The following THRAP3 variants were observed in gnomAD, a reference collection of about 807,000 sequenced individuals.
The protein encoded by THRAP3 is thyroid hormone receptor-associated protein 3.
In THRAP3, 16 loss-of-function variants were observed where a neutral mutation model predicts 101.0. The observed-to-expected ratio is 0.16, with a 90% CI of 0.11 to 0.24. The LOEUF (loss-of-function observed/expected upper bound fraction) is 0.24, where lower values mean the gene tolerates loss of function less well. THRAP3 is among the 10% of genes least tolerant of loss of function. The probability of loss-of-function intolerance (pLI) is 1.00; values close to 1 mark genes in which losing one functional copy is unlikely to be tolerated. For missense variants in THRAP3, 989 were observed against 1,202.7 expected (o/e 0.82, Z 2.63); for synonymous variants, 407 against 422.6 (o/e 0.96, Z 0.45).
chr1:36,249,457 C>G (rs1171509235), intron 1 of THRAP3, among the ~76,000 whole-genome samples: 1 of 152,072 alleles, frequency 6.6e-6, no homozygotes, highest in East Asian at 1.9e-4. Flanking sequence ...TCCCAAAGTG[C>G]TGAGATTACA....
chr1:36,262,959 A>ATTTTTTTTTTTTT (rs55662646), intron 2 of THRAP3, among the ~76,000 whole-genome samples: 22 of 104,366 alleles, frequency 2.1e-4, no homozygotes, highest in South Asian at 3.5e-4. Context: ...GGGCCGGCTA[A>ATTTTTTTTTTTTT]TTTTTTTTTT....
rs367818854 is a variant in THRAP3 at position 36,251,785 on chromosome 1, TAC to T, written c.-134-7595_-134-7594del. Among the ~76,000 whole-genome samples, 16 of 152,344 alleles carry T rather than the reference TAC, an allele frequency of 1.1e-4. 2 individuals carry two copies. Among genetic ancestry groups the T allele is most frequent in the African/African-American group, 3.4e-4 (14 of 41,582 alleles). On this transcript the variant is annotated intron_variant, in intron 1 of 11. Coordinates refer to ENST00000354618, the MANE Select transcript of THRAP3 (RefSeq NM_005119.4). Reference sequence around the variant, plus strand: ...GCCAAGCACTTTTCTGAGAACTTTATACATATATTAATTTATTCGGTGTTCAA... The same window carrying T: ...GCCAAGCACTTTTCTGAGAACTTTATATATATTAATTTATTCGGTGTTCAA...
chr1:36,231,526 G>A (rs1557804561), intron 1 of THRAP3, among the ~76,000 whole-genome samples: 1 of 152,188 alleles, frequency 6.6e-6, no homozygotes, highest in Non-Finnish European at 1.5e-5. Flanking sequence ...TAACAACTAA[G>A]GTTATTCTAT....
chr1:36,245,358 G>A (rs1209075726), intron 1 of THRAP3, among the ~76,000 whole-genome samples: 1 of 151,740 alleles, frequency 6.6e-6, no homozygotes, highest in African/African-American at 2.4e-5. Flanking sequence ...TAGTAGAGAC[G>A]GGGTTTCACC....
chr1:36,288,499 G>A (rs182211157), intron 4 of THRAP3: 2 of 985,422 alleles, frequency 2.0e-6, no homozygotes, highest in African/African-American at 1.7e-5. Flanking sequence ...TTTTGCTGCT[G>A]TCACCCTCTC....
the THRAP3 span, among the ~76,000 whole-genome samples, chr1:36,210,703 GTATATATATATA>G: frequency 1.5e-3 from 4 of 2,738 alleles, 2 homozygotes; most frequent in African/African-American, 8.0e-3. Context: ...AAAAAAAAAA[GTATATATATATA>G]TATATATATA....
intron 1 of THRAP3, among the ~76,000 whole-genome samples, chr1:36,239,956 A>G (rs994285076): frequency 2.0e-5 from 3 of 152,182 alleles, no homozygotes; most frequent in Non-Finnish European, 4.4e-5. Context: ...GCTCAGAATG[A>G]CATATCCCTA....
At chr1:36,294,614 A>T (rs1557455648) in intron 8 of THRAP3, among the ~76,000 whole-genome samples, 2 of 152,198 alleles carry the variant, frequency 1.3e-5, no homozygotes, top group Admixed American at 1.3e-4. Flanking sequence ...TGGTTATTCC[A>T]ATGCTGCTGA....
At position 36,292,680 on chromosome 1, in the gene THRAP3, C is replaced by G; in HGVS notation, c.2001C>G (p.Ala667=). ...AGAGAGGAACTGAGCAGGAGGCAGC[C>G]AAAAACAAGAAAAGCCCAGAGATAC... The part of the protein sequence containing the change: ...YLKRGTEQEA[A]KNKKSPEIHR... The change falls in exon 7 of 12, where the codon GCC becomes GCG. Residue 667 remains alanine, a synonymous_variant. Transcript: ENST00000354618. 6.2e-7 allele frequency: 1 copy of G among 1,613,340 alleles called. No individual in the cohort carries two copies. The highest frequency in any genetic ancestry group is 1.3e-5 in the African/African-American group (1 of 74,960).
At position 36,291,260 on chromosome 1, in the gene THRAP3, GAAGAA is replaced by G. The variant is rs1425902772; in HGVS notation, c.1746-108_1746-104del. 4.5e-6 allele frequency: 5 copies of G among 1,122,336 alleles called. 1 individual carries two copies. The highest frequency in any genetic ancestry group is 6.0e-4 in the Middle Eastern group (2 of 3,348). 69.5% of individuals were successfully genotyped at this position (1,122,336 alleles called of 1,614,324 possible). A position where few individuals can be genotyped will look rare whatever the true frequency, so the allele number is the denominator to read the frequency against. ...TGAGGGTTACTTTCAACTTCGGTAGGAAGAAAAGAAGTTTATAGATAGATTTAAAA... is the reference window on the plus strand; with the variant it reads ...TGAGGGTTACTTTCAACTTCGGTAGGAAGAAGTTTATAGATAGATTTAAAA... On this transcript the variant is annotated intron_variant, in intron 5 of 11. Coordinates refer to ENST00000354618, the MANE Select transcript of THRAP3 (RefSeq NM_005119.4).
At position 36,242,047 on chromosome 1, in the gene THRAP3, C is replaced by T. The variant is rs977138353; in HGVS notation, c.-134-17335C>T. The T allele has an allele frequency of 2.3e-5, 4 of 175,028 alleles. No homozygotes were observed. In the East Asian group the frequency reaches 4.4e-4, roughly 19 times the overall value. The allele number at this position is 175,028 out of a possible 1,614,324, so 10.8% of individuals were successfully genotyped here. A position where few individuals can be genotyped will look rare whatever the true frequency, so the allele number is the denominator to read the frequency against. On this transcript the variant is annotated intron_variant, in intron 1 of 11. Coordinates refer to ENST00000354618, the MANE Select transcript of THRAP3 (RefSeq NM_005119.4). ...GGTATGCTCCATGCATCCACAGTCCCGCTGGAATTAATTTTTCCATTCATA... is the reference window on the plus strand; with the variant it reads ...GGTATGCTCCATGCATCCACAGTCCTGCTGGAATTAATTTTTCCATTCATA...
At chr1:36,270,927 T>C (rs1570301367) in intron 2 of THRAP3, among the ~76,000 whole-genome samples, 1 of 152,252 alleles carries the variant, frequency 6.6e-6, no homozygotes, top group Admixed American at 6.5e-5. Flanking sequence ...TGATTTCATA[T>C]TAAAAATAAA....
At chr1:36,271,249 A>C (rs772217431) in intron 2 of THRAP3, among the ~76,000 whole-genome samples, 5 of 152,224 alleles carry the variant, frequency 3.3e-5, no homozygotes, top group Non-Finnish European at 7.3e-5. Context: ...TTTCAGTACC[A>C]AGTTCCAGGA....
chr1:36,245,941 T>C (rs1645225738), intron 1 of THRAP3, among the ~76,000 whole-genome samples: 2 of 152,228 alleles, frequency 1.3e-5, no homozygotes, highest in South Asian at 4.1e-4. Context: ...CCTGAGTGCA[T>C]ATCTGTGCTT....
chr1:36,235,055 C>A (rs1292157965), intron 1 of THRAP3, among the ~76,000 whole-genome samples: 1 of 152,138 alleles, frequency 6.6e-6, no homozygotes, highest in Non-Finnish European at 1.5e-5. Context: ...CTCAGGTGAT[C>A]CACCCGCCTT....
At chr1:36,271,723 A>C (rs1319681422) in intron 2 of THRAP3, among the ~76,000 whole-genome samples, 1 of 147,986 alleles carries the variant, frequency 6.8e-6, no homozygotes, top group African/African-American at 2.5e-5. Flanking sequence ...CCTCCTTAGT[A>C]GTTGGGATCA....
chr1:36,292,793 A>G (rs1417017364), intron 7 of THRAP3, 84 bp downstream of exon 7: 1 of 1,021,450 alleles, frequency 9.8e-7, no homozygotes, highest in South Asian at 1.5e-5. Context: ...TTCTGCTGCT[A>G]ATGCACCTTT....
At chr1:36,243,387 G>A (rs1645187496) in intron 1 of THRAP3, among the ~76,000 whole-genome samples, 1 of 151,646 alleles carries the variant, frequency 6.6e-6, no homozygotes, top group African/African-American at 2.4e-5. Flanking sequence ...AGATTAGGGA[G>A]TGGTGATGAC....
At chr1:36,220,880 G>A (rs898646408), upstream of THRAP3, among the ~76,000 whole-genome samples, 5 of 149,318 alleles carry the variant, frequency 3.3e-5, no homozygotes, top group Admixed American at 1.3e-4. Context: ...GCTTGAACCC[G>A]GGGGCGCAGA....
Sources: gnomAD v4.1 joint callset for allele counts (sites outside exome capture counted in the v4.1 genomes callset) on GRCh38, gnomAD v4.1.1 for gene constraint, MANE v1.5 for transcripts, NCBI Gene and HGNC (gene_info 2026-07-23, HGNC 2026-07-21) for gene names.